ARMC12: variants seen among roughly 807,000 people sequenced by gnomAD.
ARMC12 encodes the protein armadillo repeat-containing protein 12.
ARMC12 carries 25 observed loss-of-function variants against 37.4 expected under a neutral mutation model. That is an observed-to-expected ratio of 0.67 (90% CI 0.49 to 0.93). The LOEUF (loss-of-function observed/expected upper bound fraction) is 0.93, where lower values mean the gene tolerates loss of function less well. Ranked by LOEUF, ARMC12 falls within the 40% of genes least tolerant of loss-of-function variation. ARMC12 has a pLI of 0.00. For missense variants in ARMC12, 384 were observed against 426.6 expected (o/e 0.90, Z 0.88); for synonymous variants, 167 against 176.1 (o/e 0.95, Z 0.41).
chr6:35,749,028 T>A lies in ARMC12; in HGVS notation c.*158T>A. On this transcript the variant is annotated 3_prime_UTR_variant, in exon 6 of 6. Transcript: ENST00000373866. ...GCATGGGCTTATCTCTCAAAACACA[T>A]CCCCACTTCTATGTTTGGGGGACTA... 1.5e-6 allele frequency: 1 copy of A among 654,472 alleles called. No homozygotes were observed. Among genetic ancestry groups the A allele is most frequent in the East Asian group, 3.1e-5 (1 of 32,522 alleles). The allele number at this position is 654,472 out of a possible 1,614,324, so 40.5% of individuals were successfully genotyped here. A position where few individuals can be genotyped will look rare whatever the true frequency, so the allele number is the denominator to read the frequency against.
chr6:35,740,897 G>T lies in ARMC12; in HGVS notation c.444+2379G>T, dbSNP rs536884833. On this transcript the variant is annotated intron_variant, in intron 3 of 5. Coordinates refer to ENST00000373866, the MANE Select transcript of ARMC12 (RefSeq NM_001286574.2). ...TATTGGGCAGCTCTGCTTCCTTCTG[G>T]TTTTTTTTTTTTTTTTTTTTGAGAC... Among the ~76,000 whole-genome samples, 436 of 116,412 alleles carry T rather than the reference G, an allele frequency of 3.7e-3. 2 individuals are homozygous for T. Among genetic ancestry groups the T allele is most frequent in the African/African-American group, 0.014 (414 of 29,402 alleles). The allele number at this position is 116,412 out of a possible 152,430, so 76.4% of individuals were successfully genotyped here.
At chr6:35,737,458 GTCCC>G in intron 1 of ARMC12, 187 bp downstream of exon 1, 1 of 1,524,220 alleles carries the variant, frequency 6.6e-7, no homozygotes, top group Non-Finnish European at 8.8e-7. Flanking sequence ...CTAGCTCAGG[GTCCC>G]TGGATCTCAC....
Position 35,737,204 on chromosome 6 carries a change from C to A in ARMC12, c.96C>A (p.Tyr32Ter), listed in dbSNP as rs1179436741. 1.2e-6 allele frequency: 2 copies of A among 1,614,160 alleles called. No individual in the cohort carries two copies. Among genetic ancestry groups the A allele is most frequent in the Admixed American group, 3.3e-5 (2 of 60,010 alleles). Residue 32 changes from tyrosine (Y) to a stop codon, truncating the protein, a stop_gained, in exon 1 of 6, where the codon TAC (tyrosine) becomes TAA (stop). Transcript: ENST00000373866. LOFTEE classifies it high-confidence loss of function. ...GCGCCGGGGCGATCTACCTGCTCTA[C>A]AAGGCCATCAAGGCTGGCATAAAAT... ...ATGAGAIYLL[Y>*]KAIKAGIKCK...
At chr6:35,738,286 T>TGCGG (rs1554141437) in intron 2 of ARMC12, 98 bp from the exon 3 acceptor site, 8 of 1,063,320 alleles carry the variant, frequency 7.5e-6, no homozygotes, top group Middle Eastern at 3.4e-4. Flanking sequence ...CTGATAGCGG[T>TGCGG]GGGGGGGGGG....
chr6:35,748,339 T>G (rs548172184), intron 5 of ARMC12, among the ~76,000 whole-genome samples, 199 bp from the exon 6 acceptor site: 1 of 152,304 alleles, frequency 6.6e-6, no homozygotes, highest in South Asian at 2.1e-4. Flanking sequence ...AGAATGAATA[T>G]TATCATATCA....
upstream of ARMC12, among the ~76,000 whole-genome samples, chr6:35,732,526 GAGTTT>G (rs1191242300): frequency 6.6e-6 from 1 of 152,216 alleles, no homozygotes; most frequent in Non-Finnish European, 1.5e-5. Context: ...CTTTTCACTG[GAGTTT>G]AGGGTAGGGT....
chr6:35,741,515 A>G (rs1767168417), intron 3 of ARMC12, among the ~76,000 whole-genome samples: 1 of 152,020 alleles, frequency 6.6e-6, no homozygotes. Flanking sequence ...CCCAGGTTCA[A>G]GCAATTCTTG....
chr6:35,732,100 G>A (rs977924210), upstream of ARMC12, among the ~76,000 whole-genome samples: 3 of 152,178 alleles, frequency 2.0e-5, no homozygotes, highest in African/African-American at 7.2e-5. Context: ...GGAGGCCCGG[G>A]ACGGGGAAAG....
Position 35,747,267 on chromosome 6 carries a change from T to G in ARMC12, c.451T>G (p.Ser151Ala), listed in dbSNP as rs370348860. 10 of 1,611,594 alleles carry G rather than the reference T, an allele frequency of 6.2e-6. No homozygotes were observed. The African/African-American group carries it at 1.2e-4, about 19-fold the overall frequency. The change falls in exon 4 of 6, where the codon TCC becomes GCC. Residue 151 changes from serine (S) to alanine (A), a missense_variant. Transcript: ENST00000373866. ...RKFRLKIQEH[S>A]IKVLELISTI... ...TTGTTCTCCCCCACTCCAGGAACAC[T>G]CCATCAAAGTACTCGAACTGATCTC...
In ARMC12 at chr6:35,747,257, C is replaced by G. The variant is rs1767367091; in HGVS notation, c.445-4C>G. On this transcript the variant is annotated splice_region_variant and splice_polypyrimidine_tract_variant and intron_variant, in intron 3 of 5. Coordinates refer to ENST00000373866, the MANE Select transcript of ARMC12 (RefSeq NM_001286574.2). ...GTAAGCCCTTTTGTTCTCCCCCACT[C>G]CAGGAACACTCCATCAAAGTACTCG... 2 of 1,610,552 alleles carry G rather than the reference C, an allele frequency of 1.2e-6. No homozygotes were observed. Among genetic ancestry groups the G allele is most frequent in the Non-Finnish European group, 1.7e-6 (2 of 1,178,894 alleles).
chr6:35,733,422 ACAAT>A (rs983550091), upstream of ARMC12, among the ~76,000 whole-genome samples: 80 of 152,288 alleles, frequency 5.3e-4, no homozygotes, highest in African/African-American at 1.9e-3. Context: ...ATCCTCACAA[ACAAT>A]CCCATGAAGT....
intron 3 of ARMC12, among the ~76,000 whole-genome samples, chr6:35,742,635 G>A (rs1767209581): frequency 6.6e-6 from 1 of 151,576 alleles, no homozygotes. Context: ...TCTTTATGCT[G>A]AGGGCCTGAC....
intron 1 of ARMC12, among the ~76,000 whole-genome samples, chr6:35,737,593 G>GA (rs1398849968): frequency 1.3e-5 from 2 of 152,288 alleles, no homozygotes; most frequent in Admixed American, 6.5e-5. Context: ...TCTGCCCTAG[G>GA]AACGTGAGGC....
chr6:35,748,887 T>C lies in ARMC12; in HGVS notation c.*17T>C, dbSNP rs770330016. ...ACGGAATAAAATTAAGGAGAGCCAA[T>C]AAATGAGTATAGGAGAGAAACTTGA... On this transcript the variant is annotated 3_prime_UTR_variant, in exon 6 of 6. Coordinates refer to ENST00000373866, the MANE Select transcript of ARMC12 (RefSeq NM_001286574.2). 6.3e-7 allele frequency: 1 copy of C among 1,595,918 alleles called. No individual in the cohort carries two copies. Among genetic ancestry groups the C allele is most frequent in the South Asian group, 1.1e-5 (1 of 88,546 alleles).
intron 3 of ARMC12, 64 bp downstream of exon 3, chr6:35,738,582 C>G: frequency 1.3e-6 from 2 of 1,575,240 alleles, no homozygotes; most frequent in South Asian, 1.1e-5. Context: ...CTTTAATTGC[C>G]ATAGGATAAA....
At chr6:35,733,378 T>C (rs1766879993), upstream of ARMC12, among the ~76,000 whole-genome samples, 2 of 152,212 alleles carry the variant, frequency 1.3e-5, no homozygotes, top group African/African-American at 4.8e-5. Context: ...TGTTGAGCTC[T>C]GTGTGTTGGG....
Position 35,737,103 on chromosome 6 carries a change from G to A in ARMC12, c.-6G>A. Reference sequence around the variant, plus strand: ...TCTCACCTGGGCCCAGGGCAACACTGAAGACATGGGCAAGAGCATCCCCCA... The same window carrying A: ...TCTCACCTGGGCCCAGGGCAACACTAAAGACATGGGCAAGAGCATCCCCCA... On this transcript the variant is annotated 5_prime_UTR_variant, in exon 1 of 6. Coordinates refer to ENST00000373866, the MANE Select transcript of ARMC12 (RefSeq NM_001286574.2). The A allele has an allele frequency of 6.2e-7, 1 of 1,614,024 alleles. No homozygotes were observed.
In ARMC12 at chr6:35,747,335, C is replaced by T; in HGVS notation, c.519C>T (p.Leu173=). 1 of 1,614,112 alleles carries T rather than the reference C, an allele frequency of 6.2e-7. No individual in the cohort carries two copies. The highest frequency in any genetic ancestry group is 8.5e-7 in the Non-Finnish European group (1 of 1,180,042). The change falls in exon 4 of 6, where the codon CTC becomes CTT. Residue 173 remains leucine, a synonymous_variant. Coordinates refer to ENST00000373866, the MANE Select transcript of ARMC12 (RefSeq NM_001286574.2). ...DTELHIAGLR[L]LNNLPLPDYV... ...AACTGCACATTGCGGGCCTCAGACTCCTCAACAACCTTCCACTGCCCGACT... is the reference window on the plus strand; with the variant it reads ...AACTGCACATTGCGGGCCTCAGACTTCTCAACAACCTTCCACTGCCCGACT...
In ARMC12 at chr6:35,748,663, G is replaced by A; in HGVS notation, c.816G>A (p.Trp272Ter). The change falls in exon 6 of 6, where the codon TGG becomes TGA. Residue 272 changes from tryptophan (W) to a stop codon, truncating the protein, a stop_gained. Coordinates refer to ENST00000373866, the MANE Select transcript of ARMC12 (RefSeq NM_001286574.2). LOFTEE classifies it high-confidence loss of function. ...RNAPHYHVVK[W>*]HYNEQSLHES... Reference sequence around the variant, plus strand: ...CACCCCACTACCACGTGGTGAAATGGCATTACAACGAACAGTCCCTGCATG... The same window carrying A: ...CACCCCACTACCACGTGGTGAAATGACATTACAACGAACAGTCCCTGCATG... The A allele has an allele frequency of 6.2e-7, 1 of 1,614,110 alleles. No homozygotes were observed. Among genetic ancestry groups the A allele is most frequent in the Non-Finnish European group, 8.5e-7 (1 of 1,180,014 alleles).
Sources: allele counts gnomAD v4.1 joint callset (sites outside exome capture counted in the v4.1 genomes callset), GRCh38; gene constraint gnomAD v4.1.1; transcripts MANE v1.5; gene names NCBI Gene and HGNC (gene_info 2026-07-23, HGNC 2026-07-21).